KCNMA1: variants seen among roughly 807,000 people sequenced by gnomAD.
The protein encoded by KCNMA1 is potassium calcium-activated channel subfamily M alpha 1, also known as Calcium-activated potassium channel subunit alpha-1.
KCNMA1 carries 29 observed loss-of-function variants against 140.0 expected under a neutral mutation model. The observed-to-expected ratio is 0.21, with a 90% CI of 0.15 to 0.28. KCNMA1 has a LOEUF of 0.28. Among genes scored for constraint, KCNMA1 ranks in the 10% least tolerant of loss-of-function variants. The pLI is 1.00. For missense variants in KCNMA1, 880 were observed against 1,602.2 expected, an observed-to-expected ratio of 0.55 and a Z score of 7.70; for synonymous variants, 612 against 611.9, an observed-to-expected ratio of 1.00 and a Z score of 0.00.
At chr10:76,874,504 A>G (rs889554392), downstream of KCNMA1, 3 of 152,198 alleles carry the variant, frequency 2.0e-5, no homozygotes, top group African/African-American at 7.2e-5. Flanking sequence ...TTAAAGATCA[A>G]GTTTGTTGTT....
At chr10:77,043,963 T>C (rs540163734) in intron 14 of KCNMA1, among the ~76,000 whole-genome samples, 1 of 152,222 alleles carries the variant, frequency 6.6e-6, no homozygotes. Flanking sequence ...AACTACATGC[T>C]TAAAAATGAT....
intron 2 of KCNMA1, among the ~76,000 whole-genome samples, chr10:77,322,662 A>G (rs2082705496): frequency 6.6e-6 from 1 of 152,198 alleles, no homozygotes; most frequent in African/African-American, 2.4e-5. Flanking sequence ...GGGAGTAAGG[A>G]CTGGCTAAGA....
chr10:77,204,481 T>C (rs1347986770), intron 3 of KCNMA1, among the ~76,000 whole-genome samples: 1 of 152,206 alleles, frequency 6.6e-6, no homozygotes, highest in Non-Finnish European at 1.5e-5. Flanking sequence ...CTGAAACTAA[T>C]GAGTATGCAC....
At chr10:77,046,306 G>A (rs547511908) in intron 14 of KCNMA1, among the ~76,000 whole-genome samples, 2 of 152,234 alleles carry the variant, frequency 1.3e-5, no homozygotes, top group South Asian at 4.1e-4. Flanking sequence ...TAATAAGATT[G>A]TCTGAAACAG....
At chr10:77,216,394 G>A (rs2047801670) in intron 3 of KCNMA1, among the ~76,000 whole-genome samples, 1 of 152,108 alleles carries the variant, frequency 6.6e-6, no homozygotes, top group Admixed American at 6.5e-5. Flanking sequence ...TGGGAAGGAA[G>A]GGTGAGAGAA....
chr10:77,581,572 T>C (rs767234252), intron 1 of KCNMA1, among the ~76,000 whole-genome samples: 68 of 152,250 alleles, frequency 4.5e-4, no homozygotes, highest in Non-Finnish European at 9.8e-4. Flanking sequence ...CCCAAAGTGC[T>C]GGGATTACAG....
intron 3 of KCNMA1, among the ~76,000 whole-genome samples, chr10:77,221,537 A>G (rs2049671613): frequency 6.6e-6 from 1 of 152,192 alleles, no homozygotes; most frequent in African/African-American, 2.4e-5. Context: ...CAAGAGTGTA[A>G]TTGGATTGTT....
intron 3 of KCNMA1, among the ~76,000 whole-genome samples, chr10:77,208,001 C>T (rs1009386744): frequency 6.6e-6 from 1 of 152,190 alleles, no homozygotes; most frequent in Non-Finnish European, 1.5e-5. Flanking sequence ...GTAAACTGGC[C>T]GCACTTCTTT....
At chr10:77,389,712 T>C (rs2095745553) in intron 2 of KCNMA1, among the ~76,000 whole-genome samples, 1 of 152,182 alleles carries the variant, frequency 6.6e-6, no homozygotes, top group South Asian at 2.1e-4. Context: ...CTTTGGAATA[T>C]GGCCCCCTCC....
At chr10:77,090,605 G>T (rs548660109) in intron 9 of KCNMA1, 95 bp from the exon 10 acceptor site, 64 of 824,118 alleles carry the variant, frequency 7.8e-5, no homozygotes, top group Non-Finnish European at 1.2e-4. Flanking sequence ...GCAGCTGCAG[G>T]GGAAGCATTC....
chr10:77,556,435 G>A (rs1432406864), intron 1 of KCNMA1, among the ~76,000 whole-genome samples: 1 of 137,762 alleles, frequency 7.3e-6, no homozygotes, highest in African/African-American at 2.8e-5. Context: ...AGCCTGGTAG[G>A]CAGAGGTTGT....
At chr10:77,527,132 C>T (rs2056064327) in intron 1 of KCNMA1, among the ~76,000 whole-genome samples, 1 of 152,204 alleles carries the variant, frequency 6.6e-6, no homozygotes, top group Non-Finnish European at 1.5e-5. Context: ...GGGTTTCAAG[C>T]CCAAGGTCCC....
At chr10:77,444,486 G>A (rs887940707) in intron 1 of KCNMA1, among the ~76,000 whole-genome samples, 2 of 152,196 alleles carry the variant, frequency 1.3e-5, no homozygotes, top group African/African-American at 4.8e-5. Context: ...GACTTTGATT[G>A]AAATTAATAA....
At chr10:77,252,211 T>G (rs1330279018) in intron 2 of KCNMA1, among the ~76,000 whole-genome samples, 1 of 152,246 alleles carries the variant, frequency 6.6e-6, no homozygotes, top group Non-Finnish European at 1.5e-5. Context: ...CTGACACTTC[T>G]GTCCTCAGTA....
chr10:77,238,028 A>G (rs979585916), intron 3 of KCNMA1, among the ~76,000 whole-genome samples: 2 of 152,112 alleles, frequency 1.3e-5, no homozygotes, highest in Non-Finnish European at 2.9e-5. Flanking sequence ...CCTTCCCTGC[A>G]CCAATTAAAC....
At chr10:77,379,865 C>T (rs995386201) in intron 2 of KCNMA1, among the ~76,000 whole-genome samples, 1 of 152,180 alleles carries the variant, frequency 6.6e-6, no homozygotes, top group Non-Finnish European at 1.5e-5. Flanking sequence ...GGGTCAGCAC[C>T]TCCATCAGAC....
At chr10:77,330,422 A>G (rs1452228145) in intron 2 of KCNMA1, among the ~76,000 whole-genome samples, 1 of 152,030 alleles carries the variant, frequency 6.6e-6, no homozygotes, top group Non-Finnish European at 1.5e-5. Flanking sequence ...TAGTATCTCC[A>G]TTGCCTTGCT....
chr10:76,904,914 G>A (rs914726449), intron 25 of KCNMA1: 1 of 152,596 alleles, frequency 6.6e-6, no homozygotes, highest in African/African-American at 2.4e-5. Flanking sequence ...GCAGGGAAGG[G>A]ACATGAATGA....
intron 21 of KCNMA1, 85 bp from the exon 22 acceptor site, chr10:76,949,451 A>C (rs1283167597): frequency 9.1e-7 from 1 of 1,104,824 alleles, no homozygotes; most frequent in East Asian, 2.6e-5. Flanking sequence ...TTGTGCAAAG[A>C]ATCAAGCAAA....
Sources: gnomAD v4.1 joint callset for allele counts (sites outside exome capture counted in the v4.1 genomes callset) on GRCh38, gnomAD v4.1.1 for gene constraint, MANE v1.5 for transcripts, NCBI Gene and HGNC (gene_info 2026-07-23, HGNC 2026-07-21) for gene names.